The following FTO variants were observed in gnomAD, a reference collection of about 807,000 sequenced individuals.
FTO encodes FTO alpha-ketoglutarate dependent dioxygenase.
Under a neutral mutation model 63.9 loss-of-function variants are expected in FTO, and 47 were observed. That is an observed-to-expected ratio of 0.74 (90% CI 0.58 to 0.94). FTO has a LOEUF of 0.94. FTO is among the 40% of genes least tolerant of loss of function. The probability of loss-of-function intolerance (pLI) is 0.00; values close to 1 mark genes in which losing one functional copy is unlikely to be tolerated. For synonymous variants in FTO, 207 were observed against 224.4 expected, an observed-to-expected ratio of 0.92 and a Z score of 0.69; for missense variants, 562 against 618.1, an observed-to-expected ratio of 0.91 and a Z score of 0.96.
intron 6 of FTO, chr16:53,886,835 G>A (rs1222867963): frequency 6.6e-6 from 1 of 152,076 alleles, no homozygotes; most frequent in Non-Finnish European, 1.5e-5. Context: ...AAAATTCTTT[G>A]CGGTAACAGG....
chr16:53,729,678 C>T (rs1005807445), intron 1 of FTO, among the ~76,000 whole-genome samples: 1 of 151,806 alleles, frequency 6.6e-6, no homozygotes, highest in African/African-American at 2.4e-5. Context: ...GCTTTCACCC[C>T]CATAATTTAT....
intron 8 of FTO, among the ~76,000 whole-genome samples, chr16:54,091,548 G>T (rs1410356231): frequency 1.3e-5 from 2 of 152,230 alleles, no homozygotes; most frequent in African/African-American, 4.8e-5. Context: ...GTCTTAAAAA[G>T]CAAACAAAGA....
intron 1 of FTO, among the ~76,000 whole-genome samples, chr16:53,747,947 G>A (rs1369906421): frequency 6.6e-6 from 1 of 152,068 alleles, no homozygotes; most frequent in African/African-American, 2.4e-5. Flanking sequence ...TATATACTTG[G>A]CACGTTTGTC....
intron 1 of FTO, among the ~76,000 whole-genome samples, chr16:53,754,030 T>A (rs1485526419): frequency 6.6e-6 from 1 of 152,180 alleles, no homozygotes; most frequent in African/African-American, 2.4e-5. Flanking sequence ...AGAACGGGGT[T>A]TGGAGGTGTT....
At chr16:54,093,997 G>T (rs2689248) in intron 8 of FTO, among the ~76,000 whole-genome samples, 75,340 of 151,848 alleles carry the variant, frequency 0.5, 19,153 homozygotes, top group African/African-American at 0.58. Context: ...TGTTGCTAAG[G>T]GCCCTTCCCA....
At chr16:53,916,446 G>A (rs956384291) in intron 7 of FTO, among the ~76,000 whole-genome samples, 1 of 152,178 alleles carries the variant, frequency 6.6e-6, no homozygotes, top group East Asian at 1.9e-4. Flanking sequence ...AAATAAATTT[G>A]TAAGAAGTAT....
At chr16:53,730,725 G>A (rs1266360673) in intron 1 of FTO, among the ~76,000 whole-genome samples, 1 of 151,998 alleles carries the variant, frequency 6.6e-6, no homozygotes, top group Non-Finnish European at 1.5e-5. Context: ...TTGAACTCCT[G>A]GGCTCAAGCG....
chr16:53,795,452 T>C (rs536013436), intron 1 of FTO, among the ~76,000 whole-genome samples: 2 of 150,772 alleles, frequency 1.3e-5, no homozygotes, highest in Admixed American at 1.3e-4. Context: ...AATACATTTG[T>C]GTGTGTGTGT....
intron 7 of FTO, among the ~76,000 whole-genome samples, chr16:53,902,596 A>G (rs1272197607): frequency 1.3e-5 from 2 of 152,144 alleles, no homozygotes; most frequent in African/African-American, 4.8e-5. Context: ...GTTGAGATGG[A>G]CACTGTTTTT....
intron 2 of FTO, 49 bp downstream of exon 2, chr16:53,810,266 A>C: frequency 1.6e-6 from 2 of 1,273,196 alleles, no homozygotes; most frequent in Non-Finnish European, 2.3e-6. Context: ...GTTCTGATCA[A>C]CCTTATTTTA....
At chr16:53,899,171 A>G (rs1220583413) in intron 7 of FTO, among the ~76,000 whole-genome samples, 2 of 152,188 alleles carry the variant, frequency 1.3e-5, no homozygotes, top group Non-Finnish European at 2.9e-5. Flanking sequence ...TGCCTCTGGC[A>G]TTTATAGCTG....
intron 8 of FTO, among the ~76,000 whole-genome samples, chr16:53,944,928 G>C (rs1281096895): frequency 6.6e-6 from 1 of 152,170 alleles, no homozygotes; most frequent in Non-Finnish European, 1.5e-5. Context: ...GTAGGGGCCT[G>C]ATATTGCAAA....
chr16:53,963,655 T>G lies in FTO; in HGVS notation c.1364+29546T>G, dbSNP rs115888732. 5.2e-3 allele frequency among the ~76,000 whole-genome samples: 792 copies of G among 152,328 alleles called. 7 individuals are homozygous for G. Among genetic ancestry groups the G allele is most frequent in the African/African-American group, 0.018 (755 of 41,578 alleles). On this transcript the variant is annotated intron_variant, in intron 8 of 8. Coordinates refer to ENST00000471389, the MANE Select transcript of FTO (RefSeq NM_001080432.3). ...CCACGTGACGTGCCTGCTTCCCCTT[T>G]GCCTTCCACCATTGTAAGTTTCCTG...
chr16:53,758,597 G>A (rs563795481), intron 1 of FTO, among the ~76,000 whole-genome samples: 3 of 152,274 alleles, frequency 2.0e-5, no homozygotes, highest in Admixed American at 2.0e-4. Context: ...TGCACATTCA[G>A]CTTCTGATCT....
chr16:54,074,913 A>T (rs74019725), intron 8 of FTO, among the ~76,000 whole-genome samples: 22,537 of 124,090 alleles, frequency 0.18, 2,191 homozygotes, highest in African/African-American at 0.34. Context: ...AGAGAGAGAG[A>T]GAGAGTGTGT....
At chr16:53,989,833 C>CCCTCCTCCT (rs139259532) in intron 8 of FTO, among the ~76,000 whole-genome samples, 2 of 150,984 alleles carry the variant, frequency 1.3e-5, no homozygotes, top group African/African-American at 4.9e-5. Flanking sequence ...CCCCTCCACT[C>CCCTCCTCCT]CCTCCTCCTC....
chr16:54,103,211 T>A (rs1227525321), intron 8 of FTO, among the ~76,000 whole-genome samples: 1 of 152,160 alleles, frequency 6.6e-6, no homozygotes, highest in African/African-American at 2.4e-5. Flanking sequence ...TGAATGGCGT[T>A]ATGTTGGTAT....
chr16:53,708,304 G>A (rs2075676688), intron 1 of FTO, among the ~76,000 whole-genome samples: 1 of 151,946 alleles, frequency 6.6e-6, no homozygotes, highest in African/African-American at 2.4e-5. Flanking sequence ...GGCAGAGGTT[G>A]CAGAGAGCCC....
At chr16:53,901,772 T>C (rs1319775462) in intron 7 of FTO, among the ~76,000 whole-genome samples, 1 of 152,196 alleles carries the variant, frequency 6.6e-6, no homozygotes, top group African/African-American at 2.4e-5. Flanking sequence ...TATGTGATGC[T>C]GTTATTTTCC....
Sources: gnomAD v4.1 joint callset for allele counts (sites outside exome capture counted in the v4.1 genomes callset) on GRCh38, gnomAD v4.1.1 for gene constraint, MANE v1.5 for transcripts, NCBI Gene and HGNC (gene_info 2026-07-23, HGNC 2026-07-21) for gene names.